The following KCNH5 variants were observed in gnomAD, a reference collection of about 807,000 sequenced individuals.
The protein encoded by KCNH5 is potassium voltage-gated channel subfamily H member 5.
Under a neutral mutation model 96.1 loss-of-function variants are expected in KCNH5, and 46 were observed. That is an observed-to-expected ratio of 0.48 (90% CI 0.38 to 0.61). The LOEUF (loss-of-function observed/expected upper bound fraction) is 0.61, where lower values mean the gene tolerates loss of function less well. Ranked by LOEUF, KCNH5 falls within the 20% of genes least tolerant of loss-of-function variation. The probability of loss-of-function intolerance (pLI) is 0.00; values close to 1 mark genes in which losing one functional copy is unlikely to be tolerated. For missense variants in KCNH5, 907 were observed against 1,225.8 expected (o/e 0.74, Z 3.88); for synonymous variants, 439 against 449.8 (o/e 0.98, Z 0.30).
chr14:62,839,670 A>G (rs917218770), intron 8 of KCNH5, among the ~76,000 whole-genome samples: 5 of 152,188 alleles, frequency 3.3e-5, no homozygotes, highest in African/African-American at 1.2e-4. Flanking sequence ...TCATTCTATT[A>G]TTTACATGGA....
rs534113942 is a variant in KCNH5, at chr14:62,954,076, T to C, written c.943-3517A>G. ...CCACCTGTTCTCTAGGCTGCTGCCA[T>C]TCTCAGATAGGAGTAGTTCCCAGAA... On this transcript the variant is annotated intron_variant, in intron 6 of 10. Transcript: ENST00000322893. Among the ~76,000 whole-genome samples the C allele has an allele frequency of 2.6e-5, 4 of 152,340 alleles. No homozygotes were observed. In the East Asian group the frequency reaches 5.8e-4, roughly 22 times the overall value.
intron 7 of KCNH5, among the ~76,000 whole-genome samples, chr14:62,898,378 C>T (rs1325668295): frequency 2.6e-5 from 4 of 152,044 alleles, no homozygotes; most frequent in Non-Finnish European, 4.4e-5. Context: ...GTTAAGCATA[C>T]ACATTAAGAT....
Position 62,802,377 on chromosome 14 carries a change from A to C in KCNH5, c.1774T>G (p.Ser592Ala). 2 of 1,614,138 alleles carry C rather than the reference A, an allele frequency of 1.2e-6. No individual in the cohort carries two copies. The highest frequency in any genetic ancestry group is 1.7e-6 in the Non-Finnish European group (2 of 1,180,000). ...ESVDALCFVV[S>A]GSLEVIQDDE... ...TCCTGGATGACTTCCAAGGATCCTG[A>C]CACCACAAAGCAGAGGGCATCCACA... The change falls in exon 9 of 11, where the codon TCA (serine) becomes GCA (alanine). Residue 592 changes from serine (S) to alanine (A), a missense_variant. Physicochemically the swap from Ser to Ala is moderately conservative, Grantham distance 99. This residue lies in a region of KCNH5 where 20 missense variants were observed against 57.9 expected (regional missense o/e 0.35). Coordinates refer to ENST00000322893, the MANE Select transcript of KCNH5 (RefSeq NM_139318.5).
At chr14:62,908,323 C>T (rs1889069685) in intron 7 of KCNH5, among the ~76,000 whole-genome samples, 1 of 152,124 alleles carries the variant, frequency 6.6e-6, no homozygotes, top group African/African-American at 2.4e-5. Context: ...CAGAGATGAG[C>T]ACAGACATGA....
chr14:62,810,261 T>C (rs1466151136), intron 8 of KCNH5, among the ~76,000 whole-genome samples: 3 of 151,986 alleles, frequency 2.0e-5, no homozygotes. Context: ...CAAGAGACCC[T>C]AATAGTTAGG....
chr14:62,973,847 CAT>C (rs1890453814), intron 6 of KCNH5, among the ~76,000 whole-genome samples: 1 of 152,012 alleles, frequency 6.6e-6, no homozygotes, highest in South Asian at 2.1e-4. Flanking sequence ...CAATTTCTAA[CAT>C]GTTATTCTTT....
chr14:62,787,309 C>T (rs1886339176), intron 9 of KCNH5, among the ~76,000 whole-genome samples: 2 of 152,248 alleles, frequency 1.3e-5, no homozygotes, highest in South Asian at 2.1e-4. Context: ...TACGCCAAAG[C>T]CAAATCCAGA....
At position 63,001,560 on chromosome 14, in the gene KCNH5, G is replaced by A. The variant is rs116438384; in HGVS notation, c.305-101C>T. 9.9e-4 allele frequency: 1,124 copies of A among 1,134,860 alleles called. 8 individuals carry two copies. In the African/African-American group the frequency reaches 0.014, roughly 14 times the overall value. The allele number at this position is 1,134,860 out of a possible 1,614,324, so 70.3% of individuals were successfully genotyped here. A position where few individuals can be genotyped will look rare whatever the true frequency, so the allele number is the denominator to read the frequency against. On this transcript the variant is annotated intron_variant, in intron 3 of 10. Transcript: ENST00000322893. Reference sequence around the variant, plus strand: ...CTTCTTCCTTCAGCTGCCAACAGCTGTGCCAGGAATCAACACCAAAACAAC... The same window carrying A: ...CTTCTTCCTTCAGCTGCCAACAGCTATGCCAGGAATCAACACCAAAACAAC...
chr14:62,983,970 G>A (rs1890658787), intron 5 of KCNH5, among the ~76,000 whole-genome samples: 1 of 152,100 alleles, frequency 6.6e-6, no homozygotes, highest in Non-Finnish European at 1.5e-5. Context: ...AGGAGGACAA[G>A]GAGGAGGAAG....
intron 9 of KCNH5, among the ~76,000 whole-genome samples, chr14:62,781,352 T>C (rs1415147995): frequency 6.6e-6 from 1 of 152,180 alleles, no homozygotes; most frequent in East Asian, 1.9e-4. Flanking sequence ...GAAATTAAAA[T>C]TGCTAATGAA....
chr14:62,948,571 A>C (rs1889938191), intron 7 of KCNH5, among the ~76,000 whole-genome samples: 2 of 151,982 alleles, frequency 1.3e-5, no homozygotes, highest in Admixed American at 6.6e-5. Context: ...GCCGAATTCT[A>C]CCAGAGGTAT....
intron 7 of KCNH5, among the ~76,000 whole-genome samples, chr14:62,873,018 C>T (rs1447925352): frequency 7.9e-5 from 12 of 151,812 alleles, no homozygotes; most frequent in East Asian, 1.9e-4. Context: ...GGTGTGGTGG[C>T]GGGCGCCTGT....
chr14:62,814,812 G>T (rs144207889), intron 8 of KCNH5, among the ~76,000 whole-genome samples: 11 of 48,200 alleles, frequency 2.3e-4, no homozygotes, highest in Non-Finnish European at 2.5e-4. Flanking sequence ...AAAAAAAAAA[G>T]AATGAGTCAC....
intron 7 of KCNH5, among the ~76,000 whole-genome samples, chr14:62,889,096 G>A (rs536806037): frequency 5.3e-5 from 8 of 152,296 alleles, no homozygotes; most frequent in Admixed American, 4.6e-4. Flanking sequence ...CATGAGCTCT[G>A]AGAAGGAGGA....
rs549980452 is a variant in KCNH5, at chr14:62,816,098, A to G, written c.1570-13517T>C. On this transcript the variant is annotated intron_variant, in intron 8 of 10. Coordinates refer to ENST00000322893, the MANE Select transcript of KCNH5 (RefSeq NM_139318.5). ...TATATTCATGTGTCTGTGTGCATAT[A>G]GATTTTTTAAATCAAGTATATATAA... Among the ~76,000 whole-genome samples the G allele has an allele frequency of 1.1e-4, 16 of 152,058 alleles. No homozygotes were observed. In the East Asian group the frequency reaches 2.9e-3, roughly 27 times the overall value.
intron 10 of KCNH5, among the ~76,000 whole-genome samples, chr14:62,734,763 C>T (rs1885122499): frequency 6.6e-6 from 1 of 152,178 alleles, no homozygotes; most frequent in Non-Finnish European, 1.5e-5. Context: ...GGGAACGTGA[C>T]TTGGTCCTTT....
chr14:62,712,239 T>C (rs1468432528), intron 10 of KCNH5: 6 of 159,328 alleles, frequency 3.8e-5, no homozygotes, highest in South Asian at 1.8e-4. Context: ...ATTGACTTTA[T>C]AGGATTAGAA....
chr14:62,789,395 G>A (rs988944691), intron 9 of KCNH5, among the ~76,000 whole-genome samples: 2 of 152,010 alleles, frequency 1.3e-5, no homozygotes, highest in Non-Finnish European at 2.9e-5. Context: ...AAACATGGGG[G>A]TGCAGATATC....
At chr14:62,797,298 AAT>A (rs879306236) in intron 9 of KCNH5, among the ~76,000 whole-genome samples, 12 of 152,316 alleles carry the variant, frequency 7.9e-5, no homozygotes, top group Admixed American at 7.9e-4. Context: ...ACAATGTTAT[AAT>A]TGCTGCTTAA....
Sources: gnomAD v4.1 joint callset for allele counts (sites outside exome capture counted in the v4.1 genomes callset) on GRCh38, gnomAD v4.1.1 for gene constraint, gnomAD v4.1.1 regional missense constraint, MANE v1.5 for transcripts, NCBI Gene and HGNC (gene_info 2026-07-23, HGNC 2026-07-21) for gene names.